The following SUGCT variants were observed in gnomAD, a reference collection of about 807,000 sequenced individuals.
SUGCT encodes succinyl-CoA:glutarate-CoA transferase.
A neutral mutation model predicts 55.0 loss-of-function variants in SUGCT; 41 were observed. That is an observed-to-expected ratio of 0.74 (90% CI 0.58 to 0.97). The LOEUF (loss-of-function observed/expected upper bound fraction) is 0.97. Ranked by LOEUF, SUGCT falls within the 50% of genes least tolerant of loss-of-function variation. SUGCT has a pLI of 0.00. For synonymous variants in SUGCT, 187 were observed against 200.4 expected (o/e 0.93, Z 0.56); for missense variants, 568 against 547.8 (o/e 1.04, Z -0.37).
At chr7:40,267,037 C>CAAAT (rs1554298727) in intron 7 of SUGCT, among the ~76,000 whole-genome samples, 4 of 86,746 alleles carry the variant, frequency 4.6e-5, no homozygotes, top group Non-Finnish European at 4.8e-5. Context: ...AACAAACAAA[C>CAAAT]AAAAAAAAAA....
chr7:40,867,829 C>T, the SUGCT span, among the ~76,000 whole-genome samples: 1 of 152,186 alleles, frequency 6.6e-6, no homozygotes, highest in African/African-American at 2.4e-5. Flanking sequence ...GCTTATCTGA[C>T]CAAAACAGCT....
intron 12 of SUGCT, among the ~76,000 whole-genome samples, chr7:40,639,219 C>A (rs116339156): frequency 6.6e-6 from 1 of 152,122 alleles, no homozygotes; most frequent in Admixed American, 6.5e-5. Context: ...GTCTGTCTCC[C>A]GGGCTAGATC....
chr7:40,156,346 G>A (rs532036829), intron 1 of SUGCT, among the ~76,000 whole-genome samples: 3 of 152,070 alleles, frequency 2.0e-5, no homozygotes, highest in Admixed American at 6.5e-5. Flanking sequence ...ACCTGTAGTC[G>A]CAGCTACTCA....
chr7:40,635,301 C>A (rs1169961145), intron 12 of SUGCT, among the ~76,000 whole-genome samples: 5 of 149,954 alleles, frequency 3.3e-5, no homozygotes, highest in South Asian at 2.1e-4. Flanking sequence ...AAGAAAAAAA[C>A]AAAAAACAAA....
chr7:41,028,844 A>G, the SUGCT span, among the ~76,000 whole-genome samples: 1 of 152,156 alleles, frequency 6.6e-6, no homozygotes, highest in East Asian at 1.9e-4. Flanking sequence ...TCACCTCTGT[A>G]AGCCTGAGTC....
intron 9 of SUGCT, among the ~76,000 whole-genome samples, chr7:40,340,007 T>G (rs1037494854): frequency 5.3e-5 from 8 of 152,198 alleles, no homozygotes; most frequent in African/African-American, 1.7e-4. Context: ...CATGCATGAT[T>G]TTTGCCTGGG....
chr7:40,679,432 G>T lies in SUGCT; in HGVS notation c.1090-70002G>T, dbSNP rs1784147705. The stretch of plus-strand genomic sequence containing the variant: ...ACTTGCAGATACATTACTGATCTAT[G>T]CTGGAGTGTCTTAAGGCTACAATCT... On this transcript the variant is annotated intron_variant, in intron 12 of 13. Transcript: ENST00000335693. 1.3e-5 allele frequency among the ~76,000 whole-genome samples: 2 copies of T among 152,122 alleles called. 1 individual carries two copies. Among genetic ancestry groups the T allele is most frequent in the Admixed American group, 1.3e-4 (2 of 15,272 alleles).
chr7:40,566,792 G>A (rs1423234591), intron 12 of SUGCT, among the ~76,000 whole-genome samples: 1 of 152,076 alleles, frequency 6.6e-6, no homozygotes, highest in African/African-American at 2.4e-5. Context: ...TTTATGCCAT[G>A]GAAAGCCTAT....
At chr7:40,987,279 G>A in the SUGCT span, among the ~76,000 whole-genome samples, 16 of 152,242 alleles carry the variant, frequency 1.1e-4, no homozygotes, top group African/African-American at 3.8e-4. Context: ...ACATGACGAG[G>A]GGACTGCAAT....
At chr7:40,725,954 G>C (rs1019803389) in intron 12 of SUGCT, among the ~76,000 whole-genome samples, 1 of 152,090 alleles carries the variant, frequency 6.6e-6, no homozygotes, top group Non-Finnish European at 1.5e-5. Flanking sequence ...AAGTATTAGA[G>C]AATCTTGCAA....
At chr7:40,949,808 G>A in the SUGCT span, among the ~76,000 whole-genome samples, 3 of 152,052 alleles carry the variant, frequency 2.0e-5, no homozygotes, top group South Asian at 2.1e-4. Flanking sequence ...TGTTCCACTG[G>A]TCTATATCTC....
chr7:40,875,966 G>C, the SUGCT span, among the ~76,000 whole-genome samples: 2 of 152,232 alleles, frequency 1.3e-5, no homozygotes, highest in African/African-American at 4.8e-5. Flanking sequence ...GACCAAGACA[G>C]AGAGAAGCTT....
At chr7:40,954,240 A>G in the SUGCT span, among the ~76,000 whole-genome samples, 1 of 152,068 alleles carries the variant, frequency 6.6e-6, no homozygotes, top group East Asian at 1.9e-4. Context: ...TGGGCATGGG[A>G]CCCTCTGAGC....
intron 12 of SUGCT, among the ~76,000 whole-genome samples, chr7:40,661,674 T>C (rs1801306596): frequency 6.6e-6 from 1 of 152,216 alleles, no homozygotes; most frequent in Non-Finnish European, 1.5e-5. Context: ...TTGATCTATG[T>C]CTTGTCAGTG....
chr7:40,512,627 G>C (rs1174972184), intron 12 of SUGCT, among the ~76,000 whole-genome samples: 1 of 152,060 alleles, frequency 6.6e-6, no homozygotes, highest in African/African-American at 2.4e-5. Flanking sequence ...GATAGTACAT[G>C]CATAAAGAAC....
At chr7:40,622,608 T>C (rs1159918198) in intron 12 of SUGCT, among the ~76,000 whole-genome samples, 2 of 145,862 alleles carry the variant, frequency 1.4e-5, no homozygotes, top group Admixed American at 6.9e-5. Context: ...CATACTGCTA[T>C]ACCCACCCAC....
intron 9 of SUGCT, among the ~76,000 whole-genome samples, chr7:40,399,615 TGG>T (rs1180013772): frequency 2.0e-5 from 3 of 152,194 alleles, no homozygotes; most frequent in Non-Finnish European, 4.4e-5. Context: ...TGTTTCTCCT[TGG>T]GTCTTATTAG....
At position 40,277,738 on chromosome 7, in the gene SUGCT, G is replaced by A. The variant is rs1053037825; in HGVS notation, c.720+3082G>A. Among the ~76,000 whole-genome samples the A allele has an allele frequency of 2.0e-5, 3 of 150,814 alleles. No homozygotes were observed. The East Asian group carries it at 5.8e-4, about 29-fold the overall frequency. On this transcript the variant is annotated intron_variant, in intron 8 of 13. Transcript: ENST00000335693. ...GTTTTAGGGTACATGTGCACAATGT[G>A]CAGGTTAGCTACACATGTATACATG...
At chr7:40,715,350 G>T (rs775107267) in intron 12 of SUGCT, among the ~76,000 whole-genome samples, 1 of 152,032 alleles carries the variant, frequency 6.6e-6, no homozygotes, top group Non-Finnish European at 1.5e-5. Flanking sequence ...GCCTGCCTCC[G>T]CTGTCTTCTT....
Sources: allele counts gnomAD v4.1 joint callset (sites outside exome capture counted in the v4.1 genomes callset), GRCh38; gene constraint gnomAD v4.1.1; transcripts MANE v1.5; gene names NCBI Gene and HGNC (gene_info 2026-07-23, HGNC 2026-07-21).